SRGAP1: variants seen among roughly 807,000 people sequenced by gnomAD.
SRGAP1 encodes the protein SLIT-ROBO Rho GTPase-activating protein 1.
Under a neutral mutation model 121.9 loss-of-function variants are expected in SRGAP1, and 43 were observed. That is an observed-to-expected ratio of 0.35 (90% CI 0.28 to 0.46). The LOEUF is 0.46. Among genes scored for constraint, SRGAP1 ranks in the 20% least tolerant of loss-of-function variants. The pLI, the probability that SRGAP1 is intolerant of heterozygous loss-of-function variation, is 1.00. For missense variants in SRGAP1, 1,102 were observed against 1,350.9 expected (o/e 0.82, Z 2.89); for synonymous variants, 447 against 485.4 (o/e 0.92, Z 1.04).
chr12:63,902,924 A>G (rs1242598710), intron 1 of SRGAP1, among the ~76,000 whole-genome samples: 2 of 152,158 alleles, frequency 1.3e-5, no homozygotes, highest in Admixed American at 1.3e-4. Flanking sequence ...TGACCTCCCA[A>G]TTAGATTGTA....
chr12:64,137,462 C>A (rs1307622656), intron 21 of SRGAP1, among the ~76,000 whole-genome samples: 1 of 152,030 alleles, frequency 6.6e-6, no homozygotes, highest in Non-Finnish European at 1.5e-5. Flanking sequence ...TTTTATCTTT[C>A]CATCTTTAGC....
chr12:63,952,532 G>A (rs1393658282), intron 1 of SRGAP1, among the ~76,000 whole-genome samples: 1 of 151,878 alleles, frequency 6.6e-6, no homozygotes, highest in Non-Finnish European at 1.5e-5. Context: ...AAAGAAGGAA[G>A]AAAGGAAGAA....
intron 12 of SRGAP1, among the ~76,000 whole-genome samples, chr12:64,094,183 A>G (rs943813553): frequency 1.3e-5 from 2 of 152,154 alleles, no homozygotes; most frequent in Admixed American, 6.5e-5. Flanking sequence ...GCATTGGTAC[A>G]TATTTAACTG....
At chr12:63,877,335 C>G (rs1029844654) in intron 1 of SRGAP1, among the ~76,000 whole-genome samples, 8 of 152,106 alleles carry the variant, frequency 5.3e-5, no homozygotes, top group Non-Finnish European at 7.4e-5. Context: ...CCAATGCTTT[C>G]TTCTTTGCAA....
Position 63,989,925 on chromosome 12 carries a change from GT to G in SRGAP1, c.281del (p.Leu94CysfsTer4). ...HQQYKKDQNL[L>X]SPVNCWYLLL... ...CACTTCTTAGGAAAGACCAGAACCT[GT>G]TGTCTCCAGTGAACTGCTGGTATTT... On this transcript the variant is annotated frameshift_variant, in exon 3 of 22. Coordinates refer to ENST00000355086, the MANE Select transcript of SRGAP1 (RefSeq NM_020762.4). LOFTEE classifies it high-confidence loss of function. 1.2e-6 allele frequency: 2 copies of G among 1,608,522 alleles called. No individual in the cohort carries two copies. Among genetic ancestry groups the G allele is most frequent in the Non-Finnish European group, 1.7e-6 (2 of 1,178,290 alleles).
chr12:63,885,778 G>T (rs1207391686), intron 1 of SRGAP1, among the ~76,000 whole-genome samples: 1 of 152,156 alleles, frequency 6.6e-6, no homozygotes, highest in East Asian at 1.9e-4. Flanking sequence ...GTGCCCCAAG[G>T]CTATAACAAA....
At chr12:63,932,609 A>G (rs2031519619) in intron 1 of SRGAP1, among the ~76,000 whole-genome samples, 1 of 151,744 alleles carries the variant, frequency 6.6e-6, no homozygotes, top group African/African-American at 2.4e-5. Context: ...AAAATTAGTT[A>G]TCTTAAAGAT....
chr12:64,094,968 T>C lies in SRGAP1; in HGVS notation c.1576T>C (p.Cys526Arg), dbSNP rs1433306047. Residue 526 changes from cysteine (C) to arginine (R), a missense_variant, in exon 13 of 22, where the codon TGT becomes CGT. By Grantham distance (180) the Cys-to-Arg change is radical. This residue lies in a region of SRGAP1 where 747 missense variants were observed against 929.4 expected (regional missense o/e 0.80). Coordinates refer to ENST00000355086, the MANE Select transcript of SRGAP1 (RefSeq NM_020762.4). ...GQVIPLIVES[C>R]IRFINLYGLQ... ...GGTTATTCCCCTCATTGTGGAAAGC[T>C]GTATTCGGTTCATCAATCTCTATGG... 1 of 1,614,046 alleles carries C rather than the reference T, an allele frequency of 6.2e-7. No homozygotes were observed. Among genetic ancestry groups the C allele is most frequent in the African/African-American group, 1.3e-5 (1 of 74,944 alleles).
Position 63,980,703 on chromosome 12 carries a change from C to T in SRGAP1, c.68-3244C>T, listed in dbSNP as rs113647624. On this transcript the variant is annotated intron_variant, in intron 1 of 21. Coordinates refer to ENST00000355086, the MANE Select transcript of SRGAP1 (RefSeq NM_020762.4). Reference sequence around the variant, plus strand: ...GCATCTGCTGGGTTCAAGCAATTCTCGGGACTCAGACTCCCGAGTAGCTGG... The same window carrying T: ...GCATCTGCTGGGTTCAAGCAATTCTTGGGACTCAGACTCCCGAGTAGCTGG... Among the ~76,000 whole-genome samples the T allele has an allele frequency of 2.5e-3, 385 of 151,566 alleles. 2 individuals carry two copies. The highest frequency in any genetic ancestry group is 9.1e-3 in the African/African-American group (374 of 41,262).
intron 10 of SRGAP1, among the ~76,000 whole-genome samples, chr12:64,086,612 G>A (rs547664052): frequency 6.6e-6 from 1 of 151,392 alleles, no homozygotes; most frequent in East Asian, 1.9e-4. Context: ...GCTAACAAGT[G>A]TCAGTCAAAA....
At chr12:63,941,825 G>A (rs2031880170) in intron 1 of SRGAP1, among the ~76,000 whole-genome samples, 1 of 152,142 alleles carries the variant, frequency 6.6e-6, no homozygotes, top group African/African-American at 2.4e-5. Context: ...GGATTCTGTT[G>A]AATAGAATGA....
chr12:64,058,744 A>C (rs183189436), intron 6 of SRGAP1, among the ~76,000 whole-genome samples: 311 of 152,220 alleles, frequency 2.0e-3, no homozygotes, highest in African/African-American at 6.6e-3. Context: ...GCTCCATAGA[A>C]TTACTCTAAA....
intron 2 of SRGAP1, 30 bp downstream of exon 2, chr12:63,984,172 C>G: frequency 2.3e-6 from 3 of 1,294,772 alleles, no homozygotes; most frequent in African/African-American, 1.5e-5. Flanking sequence ...TTCACCTTTC[C>G]AAGGGTGATA....
intron 1 of SRGAP1, among the ~76,000 whole-genome samples, chr12:63,868,586 T>G (rs1899745374): frequency 6.6e-6 from 1 of 152,104 alleles, no homozygotes; most frequent in Non-Finnish European, 1.5e-5. Context: ...GGCCTTGAAC[T>G]CCTGGGCTCA....
intron 18 of SRGAP1, among the ~76,000 whole-genome samples, chr12:64,121,875 T>C (rs568162798): frequency 6.6e-6 from 1 of 152,332 alleles, no homozygotes; most frequent in East Asian, 1.9e-4. Context: ...GGACAGATAT[T>C]CTCACCCGCA....
intron 11 of SRGAP1, among the ~76,000 whole-genome samples, chr12:64,088,619 T>G (rs1401157073): frequency 6.6e-6 from 1 of 152,168 alleles, no homozygotes; most frequent in African/African-American, 2.4e-5. Context: ...TTGATGTGGG[T>G]GTAGCAGAGC....
chr12:64,156,109 A>C lies in SRGAP1; in HGVS notation c.*13437A>C, dbSNP rs143225458. The C allele has an allele frequency of 1.5e-4, 23 of 152,354 alleles. No homozygotes were observed. Among genetic ancestry groups the C allele is most frequent in the African/African-American group, 5.5e-4 (23 of 41,596 alleles). The allele number at this position is 152,354 out of a possible 1,614,324, so 9.4% of individuals were successfully genotyped here. A position where few individuals can be genotyped will look rare whatever the true frequency, so the allele number is the denominator to read the frequency against. ...AAATCACACAGCTAACAATTGAGCC[A>C]GTATCTGGACCTAGATCTATTGCCT... On this transcript the variant is annotated 3_prime_UTR_variant, in exon 22 of 22. Coordinates refer to ENST00000355086, the MANE Select transcript of SRGAP1 (RefSeq NM_020762.4).
chr12:64,057,616 G>A (rs751741082), intron 6 of SRGAP1, among the ~76,000 whole-genome samples: 1 of 152,112 alleles, frequency 6.6e-6, no homozygotes, highest in Non-Finnish European at 1.5e-5. Context: ...ATAAGGAGTG[G>A]ATAGAGTCTA....
intron 1 of SRGAP1, among the ~76,000 whole-genome samples, chr12:63,952,706 T>C (rs114273533): frequency 8.8e-4 from 134 of 152,252 alleles, no homozygotes; most frequent in African/African-American, 3.1e-3. Flanking sequence ...AAAAAATATC[T>C]TGATGAAGCC....
Sources: allele counts gnomAD v4.1 joint callset (sites outside exome capture counted in the v4.1 genomes callset), GRCh38; gene constraint gnomAD v4.1.1; regional missense constraint gnomAD v4.1.1; transcripts MANE v1.5; gene names NCBI Gene and HGNC (gene_info 2026-07-23, HGNC 2026-07-21).